Variants in CNKSR2 observed in about 807,000 individuals in gnomAD.
CNKSR2 encodes the protein CNK homolog protein 2.
CNKSR2 carries 14 observed loss-of-function variants against 84.4 expected under a neutral mutation model. That is an observed-to-expected ratio of 0.17 (90% CI 0.11 to 0.26). The LOEUF (loss-of-function observed/expected upper bound fraction) is 0.26, where lower values mean the gene tolerates loss of function less well. Among genes scored for constraint, CNKSR2 ranks in the 10% least tolerant of loss-of-function variants. The pLI is 1.00. For synonymous variants in CNKSR2, 275 were observed against 277.9 expected (o/e 0.99, Z 0.10); for missense variants, 485 against 771.2 (o/e 0.63, Z 4.40).
intron 11 of CNKSR2, among the ~76,000 whole-genome samples, chrX:21,559,257 A>T (rs2092166383): frequency 9.1e-6 from 1 of 110,438 alleles, no homozygotes; most frequent in Admixed American, 9.6e-5. Flanking sequence ...ATATTATGAA[A>T]GTTAGGTTCA....
intron 20 of CNKSR2, chrX:21,645,449 T>C (rs780021941): frequency 1.8e-5 from 2 of 112,138 alleles, no homozygotes; most frequent in Non-Finnish European, 3.8e-5. Context: ...CCTGAATAAA[T>C]TAGATACAGA....
At chrX:21,544,788 C>T (rs1034831251) in intron 11 of CNKSR2, among the ~76,000 whole-genome samples, 3 of 110,849 alleles carry the variant, frequency 2.7e-5, no homozygotes, top group African/African-American at 6.6e-5. Flanking sequence ...CACAAGGGGT[C>T]GGGGACCTCC....
At chrX:21,448,075 A>G (rs1261827649) in intron 4 of CNKSR2, among the ~76,000 whole-genome samples, 1 of 111,751 alleles carries the variant, frequency 8.9e-6, no homozygotes, top group Non-Finnish European at 1.9e-5. Flanking sequence ...CAAAGGAAAC[A>G]CTGGACCATG....
At chrX:21,512,386 T>G (rs1212171523) in intron 8 of CNKSR2, among the ~76,000 whole-genome samples, 1 of 111,887 alleles carries the variant, frequency 8.9e-6, no homozygotes, top group Non-Finnish European at 1.9e-5. Context: ...TAACACATGC[T>G]AAAGTTTGAG....
intron 4 of CNKSR2, among the ~76,000 whole-genome samples, chrX:21,466,540 A>G (rs2091130137): frequency 9.0e-6 from 1 of 111,487 alleles, no homozygotes; most frequent in Non-Finnish European, 1.9e-5. Flanking sequence ...CTTCTCCCTA[A>G]TATAAAGTAG....
At position 21,640,658 on chromosome X, in the gene CNKSR2, A is replaced by G. The variant is rs1318374656; in HGVS notation, c.2693-8173A>G. 4.5e-5 allele frequency among the ~76,000 whole-genome samples: 5 copies of G among 111,780 alleles called. No individual in the cohort carries two copies. The East Asian group carries it at 8.4e-4, about 19-fold the overall frequency. On this transcript the variant is annotated intron_variant, in intron 20 of 21. Coordinates refer to ENST00000379510, the MANE Select transcript of CNKSR2 (RefSeq NM_014927.5). ...TCCCAACTTGTTCCTTCTTTTCTCA[A>G]TATGACTCAAAAGATACTACAAGAT...
intron 4 of CNKSR2, among the ~76,000 whole-genome samples, chrX:21,460,242 C>T (rs928128074): frequency 1.3e-4 from 15 of 112,070 alleles, no homozygotes; most frequent in African/African-American, 3.6e-4. Context: ...TGTTTTCAGC[C>T]GCTTCTAATT....
chrX:21,389,556 C>T (rs1370411275), intron 1 of CNKSR2, among the ~76,000 whole-genome samples: 1 of 111,631 alleles, frequency 9.0e-6, no homozygotes. Flanking sequence ...TTTGTTTTGC[C>T]TCTCTGGAAG....
chrX:21,375,367 T>C (rs1484137763), intron 1 of CNKSR2, among the ~76,000 whole-genome samples: 1 of 112,465 alleles, frequency 8.9e-6, no homozygotes, highest in Non-Finnish European at 1.9e-5. Context: ...CCTTTGTTCC[T>C]GGGAAAGCTG....
At chrX:21,422,159 G>T (rs1468783406) in intron 1 of CNKSR2, 2 of 111,568 alleles carry the variant, frequency 1.8e-5, no homozygotes, top group Admixed American at 1.9e-4. Context: ...CTCCCTGAAG[G>T]CTCACTGCAT....
At chrX:21,572,678 A>T (rs2092292061) in intron 13 of CNKSR2, among the ~76,000 whole-genome samples, 1 of 111,393 alleles carries the variant, frequency 9.0e-6, no homozygotes, top group Non-Finnish European at 1.9e-5. Context: ...AGCTCTCATG[A>T]TAAATCACAA....
intron 1 of CNKSR2, among the ~76,000 whole-genome samples, chrX:21,403,370 G>T (rs1450188854): frequency 9.0e-6 from 1 of 111,415 alleles, no homozygotes; most frequent in Non-Finnish European, 1.9e-5. Flanking sequence ...TAATTACCAT[G>T]ATTTGTTTAT....
At chrX:21,393,960 G>A (rs944495382) in intron 1 of CNKSR2, among the ~76,000 whole-genome samples, 2 of 112,145 alleles carry the variant, frequency 1.8e-5, no homozygotes, top group African/African-American at 6.5e-5. Flanking sequence ...ACAAATACTA[G>A]TAGGAAGCAC....
At chrX:21,545,595 G>C (rs1018235521) in intron 11 of CNKSR2, among the ~76,000 whole-genome samples, 3 of 112,378 alleles carry the variant, frequency 2.7e-5, no homozygotes, top group Non-Finnish European at 5.6e-5. Flanking sequence ...CTCCTTAAGT[G>C]GGTCCCTGAC....
chrX:21,479,892 C>T (rs2091298571), intron 5 of CNKSR2, among the ~76,000 whole-genome samples: 1 of 110,727 alleles, frequency 9.0e-6, no homozygotes, highest in Admixed American at 9.7e-5. Flanking sequence ...GATCACTGAG[C>T]CCAGGCTGAG....
chrX:21,495,509 C>T (rs2091484338), intron 6 of CNKSR2: 1 of 109,722 alleles, frequency 9.1e-6, no homozygotes, highest in Non-Finnish European at 1.9e-5. Flanking sequence ...ATTGGCCAGG[C>T]ACCGTGGCTT....
At chrX:21,389,905 C>T (rs981846043) in intron 1 of CNKSR2, among the ~76,000 whole-genome samples, 13 of 112,203 alleles carry the variant, frequency 1.2e-4, no homozygotes, top group African/African-American at 3.6e-4. Context: ...TAAATTTAAT[C>T]TTTTATTTGA....
At chrX:21,649,546 A>T (rs748841762) in intron 21 of CNKSR2, among the ~76,000 whole-genome samples, 19 of 112,398 alleles carry the variant, frequency 1.7e-4, no homozygotes, top group African/African-American at 5.8e-4. Flanking sequence ...TCAGTTCCCA[A>T]CTTACATATT....
At chrX:21,540,229 C>T (rs1377343626) in intron 11 of CNKSR2, among the ~76,000 whole-genome samples, 1 of 111,702 alleles carries the variant, frequency 9.0e-6, no homozygotes, top group Non-Finnish European at 1.9e-5. Context: ...GACATTTATG[C>T]TGGGTTTTAA....
Sources: allele counts gnomAD v4.1 joint callset (sites outside exome capture counted in the v4.1 genomes callset), GRCh38; gene constraint gnomAD v4.1.1; transcripts MANE v1.5; gene names NCBI Gene and HGNC (gene_info 2026-07-23, HGNC 2026-07-21).